FAM168A: variants seen among roughly 807,000 people sequenced by gnomAD.
FAM168A encodes the protein protein FAM168A.
A neutral mutation model predicts 28.5 loss-of-function variants in FAM168A; 3 were observed. The ratio of observed to expected loss-of-function variants is 0.11; its 90% CI spans 0.05 to 0.27. The LOEUF is 0.27. Among genes scored for constraint, FAM168A ranks in the 10% least tolerant of loss-of-function variants. The probability of loss-of-function intolerance (pLI) is 1.00; values close to 1 mark genes in which losing one functional copy is unlikely to be tolerated. For missense variants in FAM168A, 222 were observed against 311.5 expected (o/e 0.71, Z 2.16); for synonymous variants, 122 against 124.2 (o/e 0.98, Z 0.12).
chr11:73,438,745 T>C (rs7104483), intron 2 of FAM168A, among the ~76,000 whole-genome samples: 8,556 of 152,152 alleles, frequency 0.056, 842 homozygotes, highest in African/African-American at 0.2. Flanking sequence ...AGGAACACGA[T>C]AGTAAGTCAC....
Position 73,518,363 on chromosome 11 carries a change from A to G in FAM168A, c.-18-49871T>C, listed in dbSNP as rs1052531522. Among the ~76,000 whole-genome samples the G allele has an allele frequency of 4.0e-5, 6 of 151,720 alleles. No homozygotes were observed. The South Asian group carries it at 8.3e-4, about 21-fold the overall frequency. On this transcript the variant is annotated intron_variant, in intron 1 of 7. Transcript: ENST00000356467. ...TGATCCCCTATCCTAAGTGAAATAA[A>G]AGAAATTTTAAAATATTAAAAAACA...
At chr11:73,496,678 AG>A (rs1266070867) in intron 1 of FAM168A, among the ~76,000 whole-genome samples, 3 of 152,124 alleles carry the variant, frequency 2.0e-5, no homozygotes, top group African/African-American at 7.2e-5. Context: ...CTCCTGCCTC[AG>A]CCTCCCGAGT....
At chr11:73,494,683 C>T (rs563097555) in intron 1 of FAM168A, among the ~76,000 whole-genome samples, 1 of 152,160 alleles carries the variant, frequency 6.6e-6, no homozygotes, top group African/African-American at 2.4e-5. Flanking sequence ...AGCACCAACG[C>T]CAGGAAAGCA....
chr11:73,577,107 G>A (rs1235718393), intron 1 of FAM168A, among the ~76,000 whole-genome samples: 2 of 152,152 alleles, frequency 1.3e-5, no homozygotes, highest in Non-Finnish European at 2.9e-5. Context: ...CATCCCTTCA[G>A]GAATAGTTCA....
At chr11:73,462,957 A>G (rs1867675366) in intron 2 of FAM168A, among the ~76,000 whole-genome samples, 3 of 151,878 alleles carry the variant, frequency 2.0e-5, no homozygotes, top group Admixed American at 2.0e-4. Flanking sequence ...TAAGATAGCA[A>G]ATTTTAAAAA....
chr11:73,506,914 T>C (rs1855126854), intron 1 of FAM168A, among the ~76,000 whole-genome samples: 1 of 152,178 alleles, frequency 6.6e-6, no homozygotes, highest in African/African-American at 2.4e-5. Flanking sequence ...TATATAATCA[T>C]TTCAGAGTTA....
chr11:73,551,560 C>T (rs1943829480), intron 1 of FAM168A, among the ~76,000 whole-genome samples: 1 of 152,174 alleles, frequency 6.6e-6, no homozygotes, highest in Non-Finnish European at 1.5e-5. Flanking sequence ...TTCCGGATTT[C>T]GAACTAAAAC....
intron 1 of FAM168A, among the ~76,000 whole-genome samples, chr11:73,553,113 G>A (rs1943848081): frequency 6.6e-6 from 1 of 152,010 alleles, no homozygotes; most frequent in African/African-American, 2.4e-5. Context: ...TATTATTATG[G>A]CCCTTTTTAC....
At chr11:73,505,747 T>TACCAA (rs1855105116) in intron 1 of FAM168A, among the ~76,000 whole-genome samples, 2 of 152,126 alleles carry the variant, frequency 1.3e-5, no homozygotes, top group Non-Finnish European at 2.9e-5. Flanking sequence ...AAGTACTTGG[T>TACCAA]GTACTTCACC....
intron 1 of FAM168A, among the ~76,000 whole-genome samples, chr11:73,574,718 A>ATTTTTTTTT (rs10568027): frequency 2.3e-5 from 2 of 88,674 alleles, no homozygotes; most frequent in African/African-American, 3.9e-5. Flanking sequence ...TACACCTGGC[A>ATTTTTTTTT]TTTTTTTTTT....
At chr11:73,533,947 T>C (rs1565286778) in intron 1 of FAM168A, among the ~76,000 whole-genome samples, 1 of 152,172 alleles carries the variant, frequency 6.6e-6, no homozygotes, top group Non-Finnish European at 1.5e-5. Context: ...TATGAATAAG[T>C]GCCCTAAGGT....
At chr11:73,594,522 A>G (rs1025990239) in intron 1 of FAM168A, among the ~76,000 whole-genome samples, 1 of 152,028 alleles carries the variant, frequency 6.6e-6, no homozygotes, top group Non-Finnish European at 1.5e-5. Flanking sequence ...ACTAAATATG[A>G]AAGGTTTTTT....
intron 1 of FAM168A, among the ~76,000 whole-genome samples, chr11:73,586,080 C>G (rs1383117883): frequency 6.6e-6 from 1 of 152,054 alleles, no homozygotes; most frequent in Admixed American, 6.6e-5. Flanking sequence ...ATGTACTAAG[C>G]CCCTGCTAAG....
rs1260606637 is a variant in FAM168A at position 73,411,399 on chromosome 11, C to A, written c.415G>T (p.Ala139Ser). 1.9e-6 allele frequency: 3 copies of A among 1,599,162 alleles called. No individual in the cohort carries two copies. The South Asian group carries it at 3.4e-5, about 18-fold the overall frequency. ...TGGCTTTGACATGTACCTACCTGGG[C>A]ATACAGATTCTGCTGGGGGTAGGCA... ...RSAYPQQNLY[A>S]QGAYYTQPVY... The change falls in exon 5 of 8, where the codon GCC becomes TCC. Residue 139 changes from alanine to serine, a missense_variant. Physicochemically the swap from Ala to Ser is moderately conservative, Grantham distance 99 (BLOSUM62 1). This residue lies in a region of FAM168A where 153 missense variants were observed against 189.2 expected (regional missense o/e 0.81). Coordinates refer to ENST00000356467, the MANE Select transcript of FAM168A (RefSeq NM_015159.3).
intron 1 of FAM168A, among the ~76,000 whole-genome samples, chr11:73,544,751 T>TTA (rs1406495325): frequency 3.5e-4 from 32 of 90,752 alleles, no homozygotes; most frequent in African/African-American, 1.9e-3. Context: ...ATTATATATT[T>TTA]TATATGTAAT....
intron 1 of FAM168A, among the ~76,000 whole-genome samples, chr11:73,593,048 T>C (rs1306224792): frequency 6.6e-6 from 1 of 152,170 alleles, no homozygotes; most frequent in African/African-American, 2.4e-5. Flanking sequence ...AGAAGAATAT[T>C]TATCCTATAA....
chr11:73,522,616 G>A (rs1943396673), intron 1 of FAM168A, among the ~76,000 whole-genome samples: 1 of 151,846 alleles, frequency 6.6e-6, no homozygotes, highest in African/African-American at 2.4e-5. Flanking sequence ...GATTACAGGT[G>A]TGAGCCACCA....
intron 1 of FAM168A, among the ~76,000 whole-genome samples, chr11:73,496,033 T>C (rs572954570): frequency 1.3e-5 from 2 of 152,280 alleles, no homozygotes; most frequent in South Asian, 4.1e-4. Flanking sequence ...AAATGTCCAC[T>C]GATGAATGAA....
chr11:73,541,650 G>T (rs567146399), intron 1 of FAM168A, among the ~76,000 whole-genome samples: 2 of 152,230 alleles, frequency 1.3e-5, no homozygotes, highest in South Asian at 4.1e-4. Flanking sequence ...GATTACAGGC[G>T]TGAGCCACCG....
Sources: gnomAD v4.1 joint callset for allele counts (sites outside exome capture counted in the v4.1 genomes callset) on GRCh38, gnomAD v4.1.1 for gene constraint, gnomAD v4.1.1 regional missense constraint, MANE v1.5 for transcripts, NCBI Gene and HGNC (gene_info 2026-07-23, HGNC 2026-07-21) for gene names.